PTPRM: variants seen among roughly 807,000 people sequenced by gnomAD.
PTPRM encodes receptor-type tyrosine-protein phosphatase mu.
Under a neutral mutation model 186.7 loss-of-function variants are expected in PTPRM, and 47 were observed. The ratio of observed to expected loss-of-function variants is 0.25; its 90% confidence interval spans 0.20 to 0.32. The LOEUF is 0.32. PTPRM is among the 10% of genes least tolerant of loss of function. PTPRM has a pLI of 1.00. For missense variants in PTPRM, 1,494 were observed against 1,865.0 expected, an observed-to-expected ratio of 0.80 and a Z score of 3.66; for synonymous variants, 668 against 674.9, an observed-to-expected ratio of 0.99 and a Z score of 0.16.
intron 11 of PTPRM, among the ~76,000 whole-genome samples, chr18:8,110,925 A>T (rs2091725840): frequency 6.6e-6 from 1 of 152,158 alleles, no homozygotes; most frequent in African/African-American, 2.4e-5. Flanking sequence ...GCAAGTGAAA[A>T]TTCCCTTCAG....
intron 7 of PTPRM, among the ~76,000 whole-genome samples, chr18:8,034,770 T>A (rs1448324860): frequency 6.6e-6 from 1 of 152,220 alleles, no homozygotes; most frequent in Non-Finnish European, 1.5e-5. Flanking sequence ...TATCAGCCTG[T>A]TTTCTTCCTG....
rs570629432 is a variant in PTPRM at position 7,744,471 on chromosome 18, C to T, written c.74-29678C>T. ...TAAAAGTAAAATACTGCAACCTACC[C>T]AGCACTCTCAGTGCATTTTATGAGG... On this transcript the variant is annotated intron_variant, in intron 1 of 32. Transcript: ENST00000580170. 5.9e-5 allele frequency among the ~76,000 whole-genome samples: 9 copies of T among 152,248 alleles called. No homozygotes were observed. In the South Asian group the frequency reaches 1.9e-3, roughly 32 times the overall value.
At chr18:7,712,322 G>T (rs571851718) in intron 1 of PTPRM, among the ~76,000 whole-genome samples, 1 of 152,206 alleles carries the variant, frequency 6.6e-6, no homozygotes, top group Non-Finnish European at 1.5e-5. Context: ...CAACATCAAG[G>T]AAAAGGACAT....
intron 1 of PTPRM, among the ~76,000 whole-genome samples, chr18:7,674,826 G>T (rs1319605759): frequency 6.6e-6 from 1 of 152,196 alleles, no homozygotes; most frequent in Non-Finnish European, 1.5e-5. Context: ...CTCTGCCTTG[G>T]TAGGCTCTTA....
At chr18:8,048,869 AT>A (rs1198298586) in intron 7 of PTPRM, among the ~76,000 whole-genome samples, 2 of 152,160 alleles carry the variant, frequency 1.3e-5, no homozygotes, top group Non-Finnish European at 2.9e-5. Flanking sequence ...TTCATCACTA[AT>A]TACATTACTT....
intron 2 of PTPRM, among the ~76,000 whole-genome samples, chr18:7,792,913 C>A (rs570749727): frequency 1.3e-5 from 2 of 152,196 alleles, no homozygotes; most frequent in African/African-American, 4.8e-5. Flanking sequence ...AATTCAACCA[C>A]CTTGGCCTCC....
Position 7,582,301 on chromosome 18 carries a change from T to C in PTPRM, c.73+14410T>C, listed in dbSNP as rs76436589. ...CTCGGTGATCTTGGCTGAGCTTTCTTGAAATTTTGCTGCTGTCCTTCTGTA... is the reference window on the plus strand; with the variant it reads ...CTCGGTGATCTTGGCTGAGCTTTCTCGAAATTTTGCTGCTGTCCTTCTGTA... On this transcript the variant is annotated intron_variant, in intron 1 of 32. Coordinates refer to ENST00000580170, the MANE Select transcript of PTPRM (RefSeq NM_001105244.2). 7.0e-3 allele frequency among the ~76,000 whole-genome samples: 1,070 copies of C among 152,318 alleles called. 8 individuals carry two copies. The highest frequency in any genetic ancestry group is 0.025 in the African/African-American group (1,028 of 41,580).
intron 7 of PTPRM, among the ~76,000 whole-genome samples, chr18:7,978,484 T>C (rs1257911107): frequency 6.6e-6 from 1 of 152,216 alleles, no homozygotes; most frequent in Non-Finnish European, 1.5e-5. Flanking sequence ...CCATTAAATA[T>C]GCCTCGTGGC....
chr18:8,040,245 A>T (rs1335813074), intron 7 of PTPRM, among the ~76,000 whole-genome samples: 1 of 152,174 alleles, frequency 6.6e-6, no homozygotes, highest in Non-Finnish European at 1.5e-5. Flanking sequence ...TGTGCAGCCA[A>T]GCATGAAGCC....
At chr18:8,340,636 G>T (rs1598365610) in intron 22 of PTPRM, among the ~76,000 whole-genome samples, 1 of 152,174 alleles carries the variant, frequency 6.6e-6, no homozygotes. Flanking sequence ...AGCAAAACAG[G>T]ATTCCATGAT....
At chr18:8,076,401 C>T (rs982519407) in intron 8 of PTPRM, 54 bp from the exon 9 acceptor site, 5 of 1,075,812 alleles carry the variant, frequency 4.6e-6, no homozygotes, top group Non-Finnish European at 7.0e-6. Context: ...CTAGAAAAAT[C>T]TACTTTTTAA....
chr18:8,196,901 C>G (rs762872487), intron 14 of PTPRM, among the ~76,000 whole-genome samples: 37 of 152,204 alleles, frequency 2.4e-4, no homozygotes, highest in Admixed American at 8.5e-4. Flanking sequence ...TGTATCATAC[C>G]GTGGGCAAAC....
intron 14 of PTPRM, among the ~76,000 whole-genome samples, chr18:8,233,342 T>C (rs1395862958): frequency 6.6e-6 from 1 of 152,224 alleles, no homozygotes; most frequent in East Asian, 1.9e-4. Flanking sequence ...GATGTCAGTG[T>C]TTTTTAGATT....
chr18:7,964,831 A>G (rs181978738), intron 7 of PTPRM, among the ~76,000 whole-genome samples: 56 of 152,054 alleles, frequency 3.7e-4, no homozygotes, highest in African/African-American at 1.3e-3. Flanking sequence ...TGCCTCCTTA[A>G]GGTGTGGTCG....
At chr18:7,950,674 A>G (rs5003718) in intron 6 of PTPRM, among the ~76,000 whole-genome samples, 53,223 of 151,850 alleles carry the variant, frequency 0.35, 10,425 homozygotes, top group African/African-American at 0.53. Context: ...CATAGTGAGC[A>G]ATGGGTGCTT....
chr18:8,178,354 C>T (rs1442985864), intron 14 of PTPRM, among the ~76,000 whole-genome samples: 1 of 152,190 alleles, frequency 6.6e-6, no homozygotes, highest in Non-Finnish European at 1.5e-5. Flanking sequence ...TCCCTCCAAT[C>T]TCCATTTTCA....
rs1336961566 is a variant in PTPRM at position 7,900,417 on chromosome 18, G to C, written c.469-6088G>C. On this transcript the variant is annotated intron_variant, in intron 3 of 32. Coordinates refer to ENST00000580170, the MANE Select transcript of PTPRM (RefSeq NM_001105244.2). ...GGTGGGACAGATTTGGCCGTGGGCT[G>C]TAGTTTGCCAACTCTTGTATTAAAC... 5.9e-5 allele frequency among the ~76,000 whole-genome samples: 9 copies of C among 152,324 alleles called. No homozygotes were observed. In the East Asian group the frequency reaches 1.7e-3, roughly 29 times the overall value.
intron 7 of PTPRM, among the ~76,000 whole-genome samples, chr18:8,028,437 C>T (rs534484350): frequency 9.2e-5 from 14 of 152,286 alleles, no homozygotes; most frequent in African/African-American, 2.9e-4. Context: ...TAGTCTCACT[C>T]CCGGAAAATT....
intron 13 of PTPRM, among the ~76,000 whole-genome samples, chr18:8,126,007 A>G (rs1363261227): frequency 3.0e-5 from 1 of 32,980 alleles, no homozygotes; most frequent in Non-Finnish European, 5.6e-5. Flanking sequence ...ATATATATAT[A>G]TATATATATA....
Sources: gnomAD v4.1 joint callset for allele counts (sites outside exome capture counted in the v4.1 genomes callset) on GRCh38, gnomAD v4.1.1 for gene constraint, MANE v1.5 for transcripts, NCBI Gene and HGNC (gene_info 2026-07-23, HGNC 2026-07-21) for gene names.